The following IFT88 variants were observed in gnomAD, a reference collection of about 807,000 sequenced individuals.
IFT88 encodes the protein intraflagellar transport 88, also known as intraflagellar transport protein 88 homolog.
A neutral mutation model predicts 119.5 loss-of-function variants in IFT88; 74 were observed. The observed-to-expected ratio is 0.62, with a 90% CI of 0.51 to 0.75. The LOEUF (loss-of-function observed/expected upper bound fraction) is 0.75, where lower values mean the gene tolerates loss of function less well. IFT88 is among the 30% of genes least tolerant of loss of function. The pLI, the probability that IFT88 is intolerant of heterozygous loss-of-function variation, is 0.00. For synonymous variants in IFT88, 279 were observed against 316.7 expected (o/e 0.88, Z 1.26); for missense variants, 961 against 977.7 (o/e 0.98, Z 0.23).
At chr13:20,611,646 C>T (rs1407066763) in intron 13 of IFT88, among the ~76,000 whole-genome samples, 1 of 151,872 alleles carries the variant, frequency 6.6e-6, no homozygotes, top group Non-Finnish European at 1.5e-5. Flanking sequence ...GCTCTGTTGC[C>T]CAGGCTGGAG....
At chr13:20,570,038 CAA>C (rs71077721) in intron 1 of IFT88, among the ~76,000 whole-genome samples, 223 of 133,904 alleles carry the variant, frequency 1.7e-3, no homozygotes, top group Non-Finnish European at 1.9e-3. Context: ...GATTCCGTCT[CAA>C]AAAAAAAAAA....
chr13:20,658,066 A>G (rs2053154890), intron 22 of IFT88, among the ~76,000 whole-genome samples: 1 of 152,010 alleles, frequency 6.6e-6, no homozygotes. Flanking sequence ...AATACCAGTC[A>G]GGAAATAGGC....
intron 14 of IFT88, among the ~76,000 whole-genome samples, chr13:20,619,156 G>A (rs2046117763): frequency 6.6e-6 from 1 of 151,996 alleles, no homozygotes; most frequent in African/African-American, 2.4e-5. Context: ...CTTTTTTCTG[G>A]AATTGTTTAT....
chr13:20,689,430 T>C (rs1453089078), intron 24 of IFT88, among the ~76,000 whole-genome samples: 1 of 152,236 alleles, frequency 6.6e-6, no homozygotes, highest in African/African-American at 2.4e-5. Flanking sequence ...TTCCACAGTA[T>C]TCCTCAGTGA....
chr13:20,649,380 A>C (rs1384136360), intron 20 of IFT88, among the ~76,000 whole-genome samples: 1 of 152,226 alleles, frequency 6.6e-6, no homozygotes, highest in Non-Finnish European at 1.5e-5. Flanking sequence ...AGTATGTGGA[A>C]TTAAAGAACA....
At position 20,641,361 on chromosome 13, in the gene IFT88, C is replaced by T. The variant is rs372386358; in HGVS notation, c.1645C>T (p.Arg549Ter). The T allele has an allele frequency of 1.1e-5, 18 of 1,611,706 alleles. No homozygotes were observed. Among genetic ancestry groups the T allele is most frequent in the Non-Finnish European group, 1.4e-5 (17 of 1,178,656 alleles). The change falls in exon 18 of 26, where the codon CGA becomes TGA. Residue 549 changes from arginine (R) to a stop codon, truncating the protein, a stop_gained. Coordinates refer to ENST00000351808, the MANE Select transcript of IFT88 (RefSeq NM_006531.5). LOFTEE classifies it high-confidence loss of function. ...TTTCCTGAAACTTCACGCAATCCTA[C>T]GAAACAGTGCCGAAGTTCTTTACCA... Reference protein sequence around the residue: ...DCFLKLHAILRNSAEVLYQIA... With the variant: ...DCFLKLHAIL
At chr13:20,629,044 G>A (rs1050203858) in intron 15 of IFT88, among the ~76,000 whole-genome samples, 3 of 151,868 alleles carry the variant, frequency 2.0e-5, no homozygotes, top group African/African-American at 7.3e-5. Context: ...CATTCTTTTT[G>A]TATTGTTTTA....
intron 20 of IFT88, among the ~76,000 whole-genome samples, chr13:20,653,584 A>C (rs902531741): frequency 1.4e-5 from 2 of 147,856 alleles, no homozygotes; most frequent in Admixed American, 1.4e-4. Flanking sequence ...TGATCCTTTA[A>C]GTTTAAAGTA....
chr13:20,677,132 A>T (rs2056768576), intron 24 of IFT88, among the ~76,000 whole-genome samples: 1 of 152,230 alleles, frequency 6.6e-6, no homozygotes, highest in Admixed American at 6.5e-5. Context: ...CATAACAAAT[A>T]TATAATGTTA....
At chr13:20,656,321 G>A (rs760611836) in intron 21 of IFT88, 44 bp from the exon 22 acceptor site, 4 of 847,174 alleles carry the variant, frequency 4.7e-6, no homozygotes, top group East Asian at 2.7e-5. Context: ...AATCCTGTTA[G>A]TTTCTATAAT....
intron 14 of IFT88, among the ~76,000 whole-genome samples, chr13:20,618,838 A>G (rs980069907): frequency 2.1e-5 from 3 of 144,936 alleles, no homozygotes; most frequent in East Asian, 2.1e-4. Context: ...TTCTTTGTAT[A>G]TGATTAAATT....
intron 22 of IFT88, among the ~76,000 whole-genome samples, chr13:20,659,423 G>C (rs1381367309): frequency 6.6e-6 from 1 of 151,970 alleles, no homozygotes; most frequent in East Asian, 1.9e-4. Flanking sequence ...GAACCCAGGA[G>C]TTCCAAACTG....
chr13:20,663,790 C>A (rs1229465524), intron 23 of IFT88, among the ~76,000 whole-genome samples, 186 bp downstream of exon 23: 1 of 152,126 alleles, frequency 6.6e-6, no homozygotes, highest in Non-Finnish European at 1.5e-5. Context: ...AGTGGATTCC[C>A]AGGGAGAGGA....
In IFT88 at chr13:20,684,940, C is replaced by T. The variant is rs149827858; in HGVS notation, c.2243-5765C>T. On this transcript the variant is annotated intron_variant, in intron 24 of 25. Coordinates refer to ENST00000351808, the MANE Select transcript of IFT88 (RefSeq NM_006531.5). ...ACCAGCTCGGTCGTGGAGACCCTAA[C>T]CCAGCAGCACTAGAGGAATTAAAGA... 9.5e-3 allele frequency among the ~76,000 whole-genome samples: 1,444 copies of T among 152,314 alleles called. 12 individuals carry two copies. Among genetic ancestry groups the T allele is most frequent in the Non-Finnish European group, 0.015 (1,002 of 68,032 alleles).
chr13:20,591,429 G>C (rs1297544990), intron 5 of IFT88, among the ~76,000 whole-genome samples, 189 bp from the exon 6 acceptor site: 2 of 152,090 alleles, frequency 1.3e-5, no homozygotes, highest in East Asian at 3.8e-4. Context: ...TTACATCAAA[G>C]AATTGAAATT....
intron 14 of IFT88, among the ~76,000 whole-genome samples, chr13:20,616,675 T>C (rs1443419351): frequency 6.6e-6 from 1 of 152,222 alleles, no homozygotes; most frequent in Non-Finnish European, 1.5e-5. Context: ...AGCGATGCCT[T>C]ACTGTACAGT....
intron 7 of IFT88, among the ~76,000 whole-genome samples, chr13:20,594,309 G>A (rs1019701442): frequency 1.3e-5 from 2 of 152,078 alleles, no homozygotes; most frequent in African/African-American, 4.8e-5. Flanking sequence ...AATGTTCCTA[G>A]TCTTAGGTCT....
chr13:20,656,488 A>G, intron 22 of IFT88, 58 bp downstream of exon 22: 1 of 757,704 alleles, frequency 1.3e-6, no homozygotes, highest in Admixed American at 2.6e-5. Flanking sequence ...TTTATGTTCT[A>G]ATATATAATT....
intron 13 of IFT88, among the ~76,000 whole-genome samples, chr13:20,605,914 C>T (rs1000980249): frequency 1.5e-4 from 23 of 152,204 alleles, no homozygotes; most frequent in African/African-American, 5.5e-4. Context: ...TGCAGAGCCT[C>T]TGTTGACTTT....
Sources: allele counts gnomAD v4.1 joint callset (sites outside exome capture counted in the v4.1 genomes callset), GRCh38; gene constraint gnomAD v4.1.1; transcripts MANE v1.5; gene names NCBI Gene and HGNC (gene_info 2026-07-23, HGNC 2026-07-21).